Variants in AK5 observed in about 807,000 individuals in gnomAD.
The protein encoded by AK5 is adenylate kinase isoenzyme 5.
AK5 carries 27 observed loss-of-function variants against 69.5 expected under a neutral mutation model. That is an observed-to-expected ratio of 0.39 (90% CI 0.29 to 0.54). AK5 has a LOEUF of 0.54. AK5 is among the 20% of genes least tolerant of loss of function. The pLI is 0.71. For synonymous variants in AK5, 260 were observed against 244.4 expected (o/e 1.06, Z -0.60); for missense variants, 531 against 700.4 (o/e 0.76, Z 2.73).
chr1:77,498,979 C>A (rs1333154188), intron 10 of AK5, among the ~76,000 whole-genome samples: 1 of 152,152 alleles, frequency 6.6e-6, no homozygotes, highest in African/African-American at 2.4e-5. Context: ...TCTCTGAAGC[C>A]CTGGGCTTAA....
At chr1:77,351,566 T>C (rs1013991265) in intron 6 of AK5, among the ~76,000 whole-genome samples, 5 of 152,152 alleles carry the variant, frequency 3.3e-5, no homozygotes, top group African/African-American at 1.2e-4. Flanking sequence ...TAATGCTTTC[T>C]CATAGTGACA....
At chr1:77,383,531 C>A (rs541795701) in intron 6 of AK5, among the ~76,000 whole-genome samples, 1 of 152,108 alleles carries the variant, frequency 6.6e-6, no homozygotes, top group Admixed American at 6.5e-5. Context: ...CAAAAAAATG[C>A]TAAATATCTG....
chr1:77,542,293 G>C (rs777808605), intron 13 of AK5, among the ~76,000 whole-genome samples: 2 of 152,070 alleles, frequency 1.3e-5, no homozygotes, highest in Non-Finnish European at 2.9e-5. Flanking sequence ...ACTGCACTCT[G>C]GCCTGGATGA....
At chr1:77,510,048 T>C (rs987980974) in intron 10 of AK5, among the ~76,000 whole-genome samples, 2 of 152,202 alleles carry the variant, frequency 1.3e-5, no homozygotes, top group African/African-American at 4.8e-5. Flanking sequence ...TCTAACCAGA[T>C]GGAGAATGGC....
chr1:77,325,462 T>C (rs1660753247), intron 5 of AK5, among the ~76,000 whole-genome samples: 1 of 152,100 alleles, frequency 6.6e-6, no homozygotes. Context: ...TAACTCCTTA[T>C]TTTCTTCCTC....
chr1:77,491,007 A>G (rs1408089433), intron 10 of AK5, among the ~76,000 whole-genome samples: 1 of 152,162 alleles, frequency 6.6e-6, no homozygotes, highest in Non-Finnish European at 1.5e-5. Context: ...TGATCAAGAC[A>G]TCATTCAAAG....
At chr1:77,434,386 C>A (rs1443140022) in intron 8 of AK5, among the ~76,000 whole-genome samples, 1 of 152,098 alleles carries the variant, frequency 6.6e-6, no homozygotes, top group African/African-American at 2.4e-5. Context: ...CATTTAATAT[C>A]TCTATAAGTT....
intron 8 of AK5, among the ~76,000 whole-genome samples, chr1:77,479,464 C>T (rs1655132031): frequency 6.6e-6 from 1 of 152,090 alleles, no homozygotes; most frequent in South Asian, 2.1e-4. Context: ...CCTTGGCCTC[C>T]CAAAGTGCTG....
chr1:77,430,620 A>C (rs1014882485), intron 8 of AK5, among the ~76,000 whole-genome samples: 1 of 152,174 alleles, frequency 6.6e-6, no homozygotes, highest in African/African-American at 2.4e-5. Flanking sequence ...TTGAGAGAAG[A>C]GGCTCTATAG....
intron 6 of AK5, among the ~76,000 whole-genome samples, chr1:77,380,031 T>G (rs1647519439): frequency 6.6e-6 from 1 of 152,242 alleles, no homozygotes; most frequent in Non-Finnish European, 1.5e-5. Flanking sequence ...AGTGTCCCAC[T>G]GAGCCCACAG....
chr1:77,407,310 A>G (rs1649723008), intron 6 of AK5, among the ~76,000 whole-genome samples: 1 of 152,238 alleles, frequency 6.6e-6, no homozygotes, highest in South Asian at 2.1e-4. Flanking sequence ...ACAATGGAAT[A>G]CTAATGAATA....
intron 5 of AK5, among the ~76,000 whole-genome samples, chr1:77,338,216 G>A (rs1661470790): frequency 2.0e-5 from 3 of 152,112 alleles, no homozygotes; most frequent in Non-Finnish European, 4.4e-5. Context: ...GCCTGCCTCA[G>A]CTTCCCAAAG....
At chr1:77,482,989 C>T (rs994182786) in intron 8 of AK5, among the ~76,000 whole-genome samples, 1 of 98,116 alleles carries the variant, frequency 1.0e-5, no homozygotes, top group African/African-American at 4.2e-5. Context: ...AGTTTTTGCA[C>T]TTTAAAAAAA....
At chr1:77,308,453 AAAAAAT>A (rs1659765413) in intron 5 of AK5, among the ~76,000 whole-genome samples, 2 of 136,776 alleles carry the variant, frequency 1.5e-5, no homozygotes, top group Admixed American at 7.9e-5. Context: ...AAAAAAAAAA[AAAAAAT>A]CTTTTTCTCA....
intron 5 of AK5, among the ~76,000 whole-genome samples, chr1:77,327,662 G>A (rs903017358): frequency 1.3e-5 from 2 of 152,152 alleles, no homozygotes; most frequent in African/African-American, 4.8e-5. Flanking sequence ...AACAGCTGAT[G>A]TATTTTTTAA....
chr1:77,383,982 A>T (rs576904181), intron 6 of AK5, among the ~76,000 whole-genome samples: 6 of 152,306 alleles, frequency 3.9e-5, no homozygotes, highest in African/African-American at 1.4e-4. Flanking sequence ...TTAAAAGATT[A>T]AAAATGTTAT....
chr1:77,296,395 A>G (rs1183374536), intron 3 of AK5, among the ~76,000 whole-genome samples: 2 of 152,204 alleles, frequency 1.3e-5, no homozygotes, highest in Non-Finnish European at 2.9e-5. Flanking sequence ...TGATAGAAAC[A>G]TTCAGTAATT....
chr1:77,314,095 A>G, intron 5 of AK5: 1 of 341,286 alleles, frequency 2.9e-6, no homozygotes, highest in Non-Finnish European at 5.8e-6. Context: ...GAACCCATAT[A>G]TGTTAATATA....
At chr1:77,524,894 T>G (rs1221339282) in intron 12 of AK5, among the ~76,000 whole-genome samples, 8 of 152,180 alleles carry the variant, frequency 5.3e-5, no homozygotes, top group Admixed American at 4.6e-4. Flanking sequence ...GGTATTTTGA[T>G]CCAGTTTGTT....
Sources: allele counts gnomAD v4.1 joint callset (sites outside exome capture counted in the v4.1 genomes callset), GRCh38; gene constraint gnomAD v4.1.1; transcripts MANE v1.5; gene names NCBI Gene and HGNC (gene_info 2026-07-23, HGNC 2026-07-21).